PRKG1: variants seen among roughly 807,000 people sequenced by gnomAD.
PRKG1 encodes the protein protein kinase cGMP-dependent 1.
In PRKG1, 35 loss-of-function variants were observed where a neutral mutation model predicts 88.1. The ratio of observed to expected loss-of-function variants is 0.40; its 90% CI spans 0.30 to 0.53. The LOEUF (loss-of-function observed/expected upper bound fraction) is 0.53. Among genes scored for constraint, PRKG1 ranks in the 20% least tolerant of loss-of-function variants. The pLI is 0.59. For synonymous variants in PRKG1, 303 were observed against 292.5 expected (o/e 1.04, Z -0.37); for missense variants, 540 against 839.8 (o/e 0.64, Z 4.41).
chr10:51,847,583 A>C (rs1012988765), intron 4 of PRKG1, among the ~76,000 whole-genome samples: 3 of 151,490 alleles, frequency 2.0e-5, no homozygotes, highest in Non-Finnish European at 4.4e-5. Flanking sequence ...TTAATGATCT[A>C]TTGACAGCAT....
chr10:52,121,931 A>G (rs968832658), intron 7 of PRKG1, among the ~76,000 whole-genome samples: 3 of 152,030 alleles, frequency 2.0e-5, no homozygotes, highest in Admixed American at 6.6e-5. Flanking sequence ...TCCATTCCAA[A>G]GCTACTTCCA....
At chr10:51,492,000 A>G (rs60304163) in intron 3 of PRKG1, among the ~76,000 whole-genome samples, 2,625 of 152,158 alleles carry the variant, frequency 0.017, 55 homozygotes, top group African/African-American at 0.044. Context: ...CTGATTCTAA[A>G]CCTAGTACAA....
At chr10:51,365,041 G>C (rs1842560981) in intron 2 of PRKG1, among the ~76,000 whole-genome samples, 1 of 151,922 alleles carries the variant, frequency 6.6e-6, no homozygotes, top group Non-Finnish European at 1.5e-5. Flanking sequence ...TCAATTTGGA[G>C]CTGGACAGTG....
chr10:51,350,170 G>T (rs1435391666), intron 2 of PRKG1, among the ~76,000 whole-genome samples: 3 of 152,114 alleles, frequency 2.0e-5, no homozygotes, highest in African/African-American at 4.8e-5. Context: ...AGTGGAGCTG[G>T]ACCAGTTATG....
rs1380955338 is a variant in PRKG1 at position 51,736,355 on chromosome 10, A to G, written c.593-68230A>G. 3.9e-5 allele frequency among the ~76,000 whole-genome samples: 6 copies of G among 152,068 alleles called. No homozygotes were observed. In the South Asian group the frequency reaches 8.3e-4, roughly 21 times the overall value. On this transcript the variant is annotated intron_variant, in intron 3 of 17. Coordinates refer to ENST00000373980, the MANE Select transcript of PRKG1 (RefSeq NM_006258.4). The stretch of plus-strand genomic sequence containing the variant: ...GGTCTCGAACTCCTGGGCTCAAACA[A>G]TCCTCCCACTTCAGCCTCCCGAAGT...
intron 2 of PRKG1, among the ~76,000 whole-genome samples, chr10:51,231,546 C>T (rs1377860701): frequency 6.6e-6 from 1 of 152,074 alleles, no homozygotes; most frequent in South Asian, 2.1e-4. Flanking sequence ...TTTTCTTGTA[C>T]TTAGGGTGTA....
intron 5 of PRKG1, chr10:51,908,461 G>A (rs1392765302): frequency 6.6e-6 from 1 of 152,090 alleles, no homozygotes; most frequent in Non-Finnish European, 1.5e-5. Flanking sequence ...GCCAAGTAAT[G>A]GAGAGCCACT....
At chr10:51,554,117 A>G (rs1054876858) in intron 3 of PRKG1, among the ~76,000 whole-genome samples, 25 of 139,288 alleles carry the variant, frequency 1.8e-4, no homozygotes, top group African/African-American at 6.0e-4. Flanking sequence ...CGTATGTGAT[A>G]CGTGTATATA....
chr10:51,532,964 A>G (rs1205836985), intron 3 of PRKG1, among the ~76,000 whole-genome samples: 1 of 152,156 alleles, frequency 6.6e-6, no homozygotes, highest in African/African-American at 2.4e-5. Context: ...CCTATTTATT[A>G]GCAATGACCT....
At chr10:51,140,725 T>C (rs1328838274) in intron 1 of PRKG1, among the ~76,000 whole-genome samples, 2 of 152,162 alleles carry the variant, frequency 1.3e-5, no homozygotes, top group African/African-American at 4.8e-5. Context: ...CATATCCCTC[T>C]CTCCATTCTC....
chr10:51,109,657 G>A lies in PRKG1; in HGVS notation c.311+34756G>A, dbSNP rs994911739. Among the ~76,000 whole-genome samples, 7 of 152,110 alleles carry A rather than the reference G, an allele frequency of 4.6e-5. 2 individuals carry two copies. The Middle Eastern group carries it at 0.024, about 517-fold the overall frequency. On this transcript the variant is annotated intron_variant, in intron 1 of 17. Transcript: ENST00000373980. ...TATGTAAACCTTCCATCTTTTAGAA[G>A]AACACATAAGATCAAAACTTAGCGC...
At chr10:51,456,954 G>A (rs990614493) in intron 2 of PRKG1, among the ~76,000 whole-genome samples, 1 of 152,180 alleles carries the variant, frequency 6.6e-6, no homozygotes, top group Non-Finnish European at 1.5e-5. Flanking sequence ...TGGCATGGAT[G>A]TGGTGAAAAG....
At chr10:52,046,253 T>G (rs1022313132) in intron 5 of PRKG1, among the ~76,000 whole-genome samples, 1 of 152,080 alleles carries the variant, frequency 6.6e-6, no homozygotes, top group Non-Finnish European at 1.5e-5. Context: ...AGTTATAAGA[T>G]TCAGTCACTC....
intron 4 of PRKG1, among the ~76,000 whole-genome samples, chr10:51,891,035 G>T (rs1478182115): frequency 1.3e-5 from 2 of 152,132 alleles, no homozygotes; most frequent in Non-Finnish European, 2.9e-5. Flanking sequence ...ACCGAAGAGG[G>T]AGGACCCCTT....
chr10:51,364,614 C>T (rs1031312834), intron 2 of PRKG1, among the ~76,000 whole-genome samples: 4 of 151,678 alleles, frequency 2.6e-5, no homozygotes, highest in African/African-American at 9.7e-5. Context: ...ACCTAAATTC[C>T]CTTTATAAGG....
At chr10:51,812,399 T>C (rs568074370) in intron 4 of PRKG1, among the ~76,000 whole-genome samples, 24 of 152,324 alleles carry the variant, frequency 1.6e-4, no homozygotes, top group African/African-American at 5.1e-4. Context: ...GGTTGTGCGA[T>C]GCGTGGGCAG....
chr10:51,551,795 A>G (rs541442550), intron 3 of PRKG1, among the ~76,000 whole-genome samples: 4 of 151,898 alleles, frequency 2.6e-5, no homozygotes, highest in African/African-American at 9.6e-5. Context: ...GAAAGATCCA[A>G]TGTGCTTATT....
At chr10:51,320,357 G>A in intron 2 of PRKG1, 1 of 165,206 alleles carries the variant, frequency 6.1e-6, no homozygotes. Flanking sequence ...AGGGAAACTG[G>A]GGAGTTTACC....
At chr10:51,315,522 G>A (rs1007746456) in intron 2 of PRKG1, among the ~76,000 whole-genome samples, 1 of 152,126 alleles carries the variant, frequency 6.6e-6, no homozygotes, top group Non-Finnish European at 1.5e-5. Context: ...AATTTTATTG[G>A]TAAGAGGGGC....
Sources: allele counts gnomAD v4.1 joint callset (sites outside exome capture counted in the v4.1 genomes callset), GRCh38; gene constraint gnomAD v4.1.1; transcripts MANE v1.5; gene names NCBI Gene and HGNC (gene_info 2026-07-23, HGNC 2026-07-21).